RANBP2: variants seen among roughly 807,000 people sequenced by gnomAD.
RANBP2 encodes RAN binding protein 2.
RANBP2 carries 57 observed loss-of-function variants against 303.6 expected under a neutral mutation model. The ratio of observed to expected loss-of-function variants is 0.19; its 90% CI spans 0.15 to 0.23. The LOEUF (loss-of-function observed/expected upper bound fraction) is 0.23. RANBP2 is among the 10% of genes least tolerant of loss of function. RANBP2 has a pLI of 1.00. For missense variants in RANBP2, 3,138 were observed against 3,780.8 expected (o/e 0.83, Z 4.46); for synonymous variants, 1,167 against 1,301.5 (o/e 0.90, Z 2.23).
At chr2:108,945,265 A>C in the RANBP2 span, among the ~76,000 whole-genome samples, 9 of 152,250 alleles carry the variant, frequency 5.9e-5, no homozygotes, top group African/African-American at 2.2e-4. Flanking sequence ...CACTGAGTCC[A>C]AGCATGTAAT....
At chr2:109,445,817 T>A in the RANBP2 span, among the ~76,000 whole-genome samples, 4 of 152,112 alleles carry the variant, frequency 2.6e-5, no homozygotes, top group Non-Finnish European at 4.4e-5. Context: ...GCGATACCCC[T>A]GAAAATAAGG....
At chr2:109,524,854 T>C in the RANBP2 span, among the ~76,000 whole-genome samples, 4 of 152,032 alleles carry the variant, frequency 2.6e-5, no homozygotes, top group Non-Finnish European at 5.9e-5. Context: ...TTATAGAATA[T>C]ATAGAAAAGA....
At chr2:109,207,075 G>C in the RANBP2 span, among the ~76,000 whole-genome samples, 1 of 152,136 alleles carries the variant, frequency 6.6e-6, no homozygotes, top group African/African-American at 2.4e-5. Flanking sequence ...AGAGGGCCTG[G>C]GGAGCTTAGT....
chr2:109,482,160 C>G, the RANBP2 span, among the ~76,000 whole-genome samples: 1 of 152,140 alleles, frequency 6.6e-6, no homozygotes, highest in Non-Finnish European at 1.5e-5. Context: ...GTCTCTTGTT[C>G]AGCATCTCAG....
the RANBP2 span, among the ~76,000 whole-genome samples, chr2:109,126,450 G>T: frequency 1.3e-5 from 2 of 152,218 alleles, no homozygotes; most frequent in African/African-American, 4.8e-5. Flanking sequence ...CTTCTCCTGT[G>T]TGACTACAGA....
chr2:108,934,409 C>A, the RANBP2 span, among the ~76,000 whole-genome samples: 1 of 152,272 alleles, frequency 6.6e-6, no homozygotes, highest in South Asian at 2.1e-4. Context: ...CCTGGCGATG[C>A]TGCTGGGGTA....
chr2:108,800,973 C>T, the RANBP2 span, among the ~76,000 whole-genome samples: 1 of 85,444 alleles, frequency 1.2e-5, no homozygotes, highest in African/African-American at 4.0e-5. Context: ...TTTTTTATGG[C>T]TGCATAGTAT....
chr2:109,362,003 T>C, the RANBP2 span, among the ~76,000 whole-genome samples: 3 of 152,174 alleles, frequency 2.0e-5, no homozygotes, highest in Non-Finnish European at 2.9e-5. Context: ...TTTTTATTGA[T>C]CTTTTTAAAG....
chr2:109,286,874 G>A, the RANBP2 span, among the ~76,000 whole-genome samples: 5 of 152,230 alleles, frequency 3.3e-5, no homozygotes, highest in South Asian at 6.2e-4. Context: ...TTCGTTGACC[G>A]GTCTGTCCCC....
the RANBP2 span, among the ~76,000 whole-genome samples, chr2:109,457,966 G>T: frequency 6.6e-6 from 1 of 152,180 alleles, no homozygotes. Flanking sequence ...ATAACTGAGG[G>T]AAATGTCGAG....
chr2:109,226,519 C>A, the RANBP2 span, among the ~76,000 whole-genome samples: 1 of 152,214 alleles, frequency 6.6e-6, no homozygotes, highest in Non-Finnish European at 1.5e-5. Context: ...GCAACCACTT[C>A]TTTTTAAGTC....
At chr2:108,786,752 A>T (rs944726398), downstream of RANBP2, 9 of 1,416,046 alleles carry the variant, frequency 6.4e-6, no homozygotes, top group African/African-American at 1.3e-4. Flanking sequence ...GTCGTGACGC[A>T]CTGCGGCCGC....
chr2:108,750,070 C>T (rs543260007), intron 9 of RANBP2, among the ~76,000 whole-genome samples: 12 of 152,216 alleles, frequency 7.9e-5, no homozygotes, highest in South Asian at 2.1e-4. Context: ...CGCTTCAACC[C>T]GGGAGGCGGA....
At chr2:108,985,369 G>C in the RANBP2 span, among the ~76,000 whole-genome samples, 1 of 152,236 alleles carries the variant, frequency 6.6e-6, no homozygotes, top group East Asian at 1.9e-4. Context: ...TGTGTTTGGA[G>C]CAGTAGGTCT....
the RANBP2 span, among the ~76,000 whole-genome samples, chr2:109,344,448 G>A: frequency 6.6e-6 from 1 of 152,212 alleles, no homozygotes; most frequent in Non-Finnish European, 1.5e-5. Flanking sequence ...GCTGTCTGCC[G>A]TGGCTGGGCA....
At chr2:108,926,182 A>G in the RANBP2 span, among the ~76,000 whole-genome samples, 4 of 152,244 alleles carry the variant, frequency 2.6e-5, no homozygotes, top group East Asian at 7.7e-4. Flanking sequence ...CTTGTCACCA[A>G]CCCGAAATCA....
At chr2:109,437,388 G>A in the RANBP2 span, among the ~76,000 whole-genome samples, 14 of 151,648 alleles carry the variant, frequency 9.2e-5, no homozygotes, top group East Asian at 2.0e-4. Flanking sequence ...GCTCGTGAAC[G>A]TCTGATCTCC....
the RANBP2 span, among the ~76,000 whole-genome samples, chr2:109,570,647 G>A: frequency 6.7e-6 from 1 of 150,364 alleles, no homozygotes; most frequent in Non-Finnish European, 1.5e-5. Context: ...TCAGCCTCCC[G>A]AGTAGCTGGG....
the RANBP2 span, chr2:109,667,022 G>A: frequency 8.3e-6 from 4 of 484,796 alleles, no homozygotes; most frequent in South Asian, 2.2e-5. Context: ...GCTGACTCTA[G>A]TGTTACTGAT....
Sources: allele counts gnomAD v4.1 joint callset (sites outside exome capture counted in the v4.1 genomes callset), GRCh38; gene constraint gnomAD v4.1.1; transcripts MANE v1.5; gene names NCBI Gene and HGNC (gene_info 2026-07-23, HGNC 2026-07-21).